DDX11: variants seen among roughly 807,000 people sequenced by gnomAD.
DDX11 encodes ATP-dependent DNA helicase DDX11.
DDX11 carries 72 observed loss-of-function variants against 125.2 expected under a neutral mutation model. The ratio of observed to expected loss-of-function variants is 0.58; its 90% CI spans 0.48 to 0.70. The LOEUF is 0.70. DDX11 is among the 30% of genes least tolerant of loss of function. The pLI is 0.00. For missense variants in DDX11, 883 were observed against 1,165.0 expected (o/e 0.76, Z 3.52); for synonymous variants, 347 against 452.6 (o/e 0.77, Z 2.96).
intron 2 of DDX11, among the ~76,000 whole-genome samples, chr12:31,080,458 A>G (rs1941677001): frequency 6.6e-6 from 1 of 152,202 alleles, no homozygotes; most frequent in Non-Finnish European, 1.5e-5. Context: ...CAGGGATTGC[A>G]ACCTGAGAAT....
At chr12:31,099,060 A>G (rs1268740000) in intron 18 of DDX11, among the ~76,000 whole-genome samples, 2 of 119,748 alleles carry the variant, frequency 1.7e-5, no homozygotes, top group South Asian at 2.6e-4. Context: ...GAATGAATCC[A>G]TACTGGTATT....
At chr12:31,082,727 T>A (rs1942222752) in intron 2 of DDX11, among the ~76,000 whole-genome samples, 2 of 152,070 alleles carry the variant, frequency 1.3e-5, no homozygotes, top group South Asian at 4.2e-4. Flanking sequence ...CTGGGGCTGC[T>A]AGAGGAAAGC....
At chr12:31,087,838 G>T (rs1943427396) in intron 5 of DDX11, 100 bp from the exon 6 acceptor site, 4 of 1,515,414 alleles carry the variant, frequency 2.6e-6, no homozygotes, top group Non-Finnish European at 3.6e-6. Flanking sequence ...CCCATTGCTG[G>T]GAATGGCCAG....
At position 31,101,865 on chromosome 12, in the gene DDX11, G is replaced by A; in HGVS notation, c.2085G>A (p.Leu695=). Reference sequence around the variant, plus strand: ...AGGTGGGTCGCATTCTCTGTAACCTGTGCGGTGTGGTTCCTGGAGGGGTGG... The same window carrying A: ...AGGTGGGTCGCATTCTCTGTAACCTATGCGGTGTGGTTCCTGGAGGGGTGG... ...MDEVGRILCN[L]CGVVPGGVVC... The change falls in exon 21 of 27, where the codon CTG becomes CTA. Residue 695 remains leucine (L), a synonymous_variant. Coordinates refer to ENST00000542838, the MANE Select transcript of DDX11 (RefSeq NM_030653.4). The A allele has an allele frequency of 6.2e-7, 1 of 1,613,978 alleles. No homozygotes were observed. Among genetic ancestry groups the A allele is most frequent in the Non-Finnish European group, 8.5e-7 (1 of 1,179,862 alleles).
chr12:31,102,859 C>T (rs1449480851), intron 23 of DDX11, 77 bp from the exon 24 acceptor site: 14 of 1,319,306 alleles, frequency 1.1e-5, no homozygotes, highest in African/African-American at 5.8e-5. Flanking sequence ...AGGGGTAGAA[C>T]GGAGCAGCTG....
intron 1 of DDX11, among the ~76,000 whole-genome samples, chr12:31,076,130 T>A (rs1377962583): frequency 2.0e-5 from 3 of 152,158 alleles, no homozygotes; most frequent in Non-Finnish European, 2.9e-5. Flanking sequence ...GCTGGTCAGC[T>A]TTTTGTCTTG....
At chr12:31,089,249 C>T in intron 7 of DDX11, 98 bp downstream of exon 7, 1 of 1,369,038 alleles carries the variant, frequency 7.3e-7, no homozygotes, top group Non-Finnish European at 1.0e-6. Context: ...GGGTCTGTGA[C>T]AGGCTGAACC....
rs574496587 is a variant in DDX11, at chr12:31,082,509, C to G, written c.145-1304C>G. Among the ~76,000 whole-genome samples, 3 of 152,254 alleles carry G rather than the reference C, an allele frequency of 2.0e-5. No homozygotes were observed. In the East Asian group the frequency reaches 5.8e-4, roughly 30 times the overall value. On this transcript the variant is annotated intron_variant, in intron 2 of 26. Coordinates refer to ENST00000542838, the MANE Select transcript of DDX11 (RefSeq NM_030653.4). The stretch of plus-strand genomic sequence containing the variant: ...CTGACTCCTGCGCCGCGCTGCTGCC[C>G]CAACCGTAGTCATACGAGGTGTTTC...
At chr12:31,081,127 GTCT>G (rs1253428508) in intron 2 of DDX11, among the ~76,000 whole-genome samples, 3 of 152,118 alleles carry the variant, frequency 2.0e-5, no homozygotes, top group African/African-American at 7.2e-5. Flanking sequence ...AGGCTTCTGC[GTCT>G]TCTTCCTCTG....
chr12:31,103,738 C>T lies in DDX11; in HGVS notation c.2691+7C>T. Reference sequence around the variant, plus strand: ...CATTGCTGCTGTGCAGAAGGTCAGTCCTACCTTTTTCTTTCTGAGAGCCTC... The same window carrying T: ...CATTGCTGCTGTGCAGAAGGTCAGTTCTACCTTTTTCTTTCTGAGAGCCTC... On this transcript the variant is annotated splice_region_variant and intron_variant, in intron 26 of 26. Transcript: ENST00000542838. The T allele has an allele frequency of 1.9e-6, 3 of 1,613,674 alleles. No individual in the cohort carries two copies. Among genetic ancestry groups the T allele is most frequent in the Non-Finnish European group, 2.5e-6 (3 of 1,179,912 alleles).
At chr12:31,092,947 G>A in intron 11 of DDX11, 55 bp downstream of exon 11, 1 of 1,606,532 alleles carries the variant, frequency 6.2e-7, no homozygotes, top group South Asian at 1.1e-5. Flanking sequence ...CCCCTGCGTG[G>A]GCCTCTGAGA....
chr12:31,101,946 G>A lies in DDX11; in HGVS notation c.2166G>A (p.Lys722=), dbSNP rs1946452315. Residue 722 remains lysine, a synonymous_variant, in exon 21 of 27, where the codon AAG becomes AAA. Transcript: ENST00000542838. ...YLRQVHAHWE[K]GGLLGRLAAR... ...GCCAGGTCCATGCCCACTGGGAGAA[G>A]GGTGGCCTGCTGGGCCGTCTGGCTG... The A allele has an allele frequency of 6.2e-7, 1 of 1,613,526 alleles. No homozygotes were observed. The highest frequency in any genetic ancestry group is 8.5e-7 in the Non-Finnish European group (1 of 1,179,778).
At chr12:31,084,792 G>T (rs545519763) in intron 4 of DDX11, 123 bp downstream of exon 4, 2 of 1,050,448 alleles carry the variant, frequency 1.9e-6, no homozygotes, top group Admixed American at 2.0e-5. Context: ...ATGTGCTCCC[G>T]TACAGAAGCT....
At chr12:31,093,817 A>T (rs7955438) in intron 12 of DDX11, 77,305 of 171,454 alleles carry the variant, frequency 0.45, 19,551 homozygotes, top group East Asian at 0.76. Flanking sequence ...CTTGAGCTTT[A>T]TTTAGACCCA....
Position 31,102,479 on chromosome 12 carries a change from T to C in DDX11, c.2324T>C (p.Val775Ala), listed in dbSNP as rs1364484058. The C allele has an allele frequency of 2.5e-6, 4 of 1,613,942 alleles. No homozygotes were observed. The highest frequency in any genetic ancestry group is 2.2e-5 in the East Asian group (1 of 44,864). ...QVTGALLLSV[V>A]GGKMSEGINF... ...ACAGGGGCCCTGCTCCTCTCTGTGG[T>C]TGGAGGAAAGATGAGTGAAGGGATC... is the stretch of plus-strand genomic sequence containing the variant. Residue 775 changes from valine to alanine, a missense_variant, in exon 23 of 27, where the codon GTT (valine) becomes GCT (alanine). Around this residue, in one of 5 missense-constraint regions of DDX11, gnomAD observed 285 missense variants for 346.0 expected, o/e 0.82. Coordinates refer to ENST00000542838, the MANE Select transcript of DDX11 (RefSeq NM_030653.4).
chr12:31,095,097 A>G (rs1217578979), intron 14 of DDX11, among the ~76,000 whole-genome samples: 1 of 152,206 alleles, frequency 6.6e-6, no homozygotes, highest in Non-Finnish European at 1.5e-5. Context: ...CTTCTGGCAC[A>G]GTCTCCCTCA....
intron 8 of DDX11, 55 bp from the exon 9 acceptor site, chr12:31,089,831 C>G: frequency 1.3e-6 from 2 of 1,590,956 alleles, no homozygotes; most frequent in Non-Finnish European, 1.7e-6. Context: ...CTCTTGGGCC[C>G]GTGGACAGTT....
In DDX11 at chr12:31,089,057, G is replaced by C. The variant is rs1050371189; in HGVS notation, c.698G>C (p.Ser233Thr). ...TCTCTCTGCTAGATTTATTACTGTA[G>C]TCGGACACACTCCCAGCTGGCCCAG... is the stretch of plus-strand genomic sequence containing the variant. ...EEHITKIYYC[S>T]RTHSQLAQFV... Residue 233 changes from serine to threonine, a missense_variant, in exon 7 of 27, where the codon AGT (serine) becomes ACT (threonine). Transcript: ENST00000542838. 1 of 1,613,930 alleles carries C rather than the reference G, an allele frequency of 6.2e-7. No homozygotes were observed. Among genetic ancestry groups the C allele is most frequent in the East Asian group, 2.2e-5 (1 of 44,884 alleles).
intron 18 of DDX11, among the ~76,000 whole-genome samples, chr12:31,100,002 G>A (rs543819372): frequency 2.6e-5 from 4 of 152,240 alleles, no homozygotes; most frequent in South Asian, 2.1e-4. Flanking sequence ...AGTGGGCTGC[G>A]TGGTTCTCTG....
Sources: gnomAD v4.1 joint callset for allele counts (sites outside exome capture counted in the v4.1 genomes callset) on GRCh38, gnomAD v4.1.1 for gene constraint, gnomAD v4.1.1 regional missense constraint, MANE v1.5 for transcripts, NCBI Gene and HGNC (gene_info 2026-07-23, HGNC 2026-07-21) for gene names.